The following CSMD1 variants were observed in gnomAD, a reference collection of about 807,000 sequenced individuals.
CSMD1 encodes CUB and Sushi multiple domains 1.
A neutral mutation model predicts 417.5 loss-of-function variants in CSMD1; 213 were observed. The ratio of observed to expected loss-of-function variants is 0.51; its 90% CI spans 0.46 to 0.57. CSMD1 has a LOEUF of 0.57. CSMD1 is among the 20% of genes least tolerant of loss of function. The probability of loss-of-function intolerance (pLI) is 0.00; values close to 1 mark genes in which losing one functional copy is unlikely to be tolerated. For synonymous variants in CSMD1, 2,862 were observed against 1,736.8 expected (o/e 1.65, Z -16.11); for missense variants, 6,923 against 4,529.7 (o/e 1.53, Z -15.17).
In CSMD1 at chr8:4,838,278, C is replaced by G. The variant is rs192263368; in HGVS notation, c.85+156054G>C. Among the ~76,000 whole-genome samples the G allele has an allele frequency of 1.4e-3, 218 of 152,272 alleles. 1 individual carries two copies. Among genetic ancestry groups the G allele is most frequent in the African/African-American group, 4.9e-3 (205 of 41,554 alleles). On this transcript the variant is annotated intron_variant, in intron 1 of 69. Coordinates refer to ENST00000635120, the MANE Select transcript of CSMD1 (RefSeq NM_033225.6). ...GACTGAGCAAGTAGTGTCAAAGTGT[C>G]AGGAGACGTCAGTCACTGTGCTAAC... is the stretch of plus-strand genomic sequence containing the variant.
At chr8:3,040,525 C>A (rs1333192895) in intron 50 of CSMD1, among the ~76,000 whole-genome samples, 1 of 151,208 alleles carries the variant, frequency 6.6e-6, no homozygotes, top group Admixed American at 6.6e-5. Flanking sequence ...ACAAATTGGG[C>A]CGGGCACGGT....
At chr8:3,791,417 C>A (rs1585003930) in intron 5 of CSMD1, among the ~76,000 whole-genome samples, 1 of 152,122 alleles carries the variant, frequency 6.6e-6, no homozygotes, top group South Asian at 2.1e-4. Flanking sequence ...CTTAAAATTC[C>A]TCTGTATTTC....
Position 3,479,228 on chromosome 8 carries a change from G to A in CSMD1, c.1449-10404C>T, listed in dbSNP as rs905090042. The stretch of plus-strand genomic sequence containing the variant: ...CCAAGCCTAAACAAGGTACTTGCTT[G>A]CTAAAATATTAGGTGGGTACAAAAG... On this transcript the variant is annotated intron_variant, in intron 11 of 69. Transcript: ENST00000635120. Among the ~76,000 whole-genome samples the A allele has an allele frequency of 7.9e-5, 12 of 152,288 alleles. No homozygotes were observed. The East Asian group carries it at 1.7e-3, about 22-fold the overall frequency.
intron 7 of CSMD1, among the ~76,000 whole-genome samples, chr8:3,641,115 A>C (rs950313674): frequency 6.7e-6 from 1 of 148,896 alleles, no homozygotes; most frequent in Non-Finnish European, 1.5e-5. Context: ...GTTAGACTGA[A>C]GTTATTGCAG....
chr8:2,991,800 C>A (rs1315673201), intron 54 of CSMD1, among the ~76,000 whole-genome samples: 1 of 152,124 alleles, frequency 6.6e-6, no homozygotes, highest in African/African-American at 2.4e-5. Flanking sequence ...CTGAGAACTG[C>A]AGTAGTCATG....
chr8:3,382,425 ATAT>A (rs1373216427), intron 18 of CSMD1, among the ~76,000 whole-genome samples: 1 of 143,746 alleles, frequency 7.0e-6, no homozygotes, highest in African/African-American at 2.5e-5. Context: ...AACACATAAT[ATAT>A]TATATAATAA....
chr8:3,974,383 G>A (rs1043352844), intron 5 of CSMD1, among the ~76,000 whole-genome samples: 1 of 151,894 alleles, frequency 6.6e-6, no homozygotes, highest in South Asian at 2.1e-4. Flanking sequence ...TTAAAAGAAG[G>A]AGGAAATTAA....
intron 3 of CSMD1, among the ~76,000 whole-genome samples, chr8:4,180,061 A>G (rs1798267809): frequency 6.6e-6 from 1 of 152,170 alleles, no homozygotes; most frequent in Admixed American, 6.5e-5. Context: ...CATTTGACCC[A>G]GCCATCCCAT....
At chr8:3,194,444 TATTTTATTTTATTTTATTTC>T (rs961989302) in intron 33 of CSMD1, among the ~76,000 whole-genome samples, 13 of 141,204 alleles carry the variant, frequency 9.2e-5, no homozygotes, top group Admixed American at 2.7e-4. Flanking sequence ...TATTTTATTT[TATTTTATTTTATTTTATTTC>T]ATTTCATTTT....
At chr8:4,758,366 T>C (rs771635138) in intron 1 of CSMD1, among the ~76,000 whole-genome samples, 2 of 152,158 alleles carry the variant, frequency 1.3e-5, no homozygotes, top group African/African-American at 2.4e-5. Context: ...GTATTATGCA[T>C]TTTCAAGTTG....
intron 1 of CSMD1, among the ~76,000 whole-genome samples, chr8:4,823,778 G>T (rs1017969044): frequency 6.6e-6 from 1 of 152,006 alleles, no homozygotes; most frequent in Admixed American, 6.6e-5. Context: ...GGCAGTGTGT[G>T]CACAAGTGTC....
chr8:4,310,086 T>A (rs4875322), intron 3 of CSMD1, among the ~76,000 whole-genome samples: 1 of 152,068 alleles, frequency 6.6e-6, no homozygotes, highest in Non-Finnish European at 1.5e-5. Context: ...GGTCTGCAAT[T>A]ATCACCTCTC....
intron 1 of CSMD1, among the ~76,000 whole-genome samples, chr8:4,840,473 G>A (rs1011990083): frequency 2.0e-5 from 3 of 152,248 alleles, no homozygotes; most frequent in African/African-American, 2.4e-5. Flanking sequence ...TAACACGTTA[G>A]GTCTTTTGTT....
intron 3 of CSMD1, among the ~76,000 whole-genome samples, chr8:4,330,306 T>C (rs1799797042): frequency 6.6e-6 from 1 of 151,532 alleles, no homozygotes; most frequent in Admixed American, 6.6e-5. Context: ...GTCAATTTAA[T>C]ATTTTGGGCT....
chr8:4,658,814 A>G (rs1804398497), intron 1 of CSMD1, among the ~76,000 whole-genome samples: 1 of 152,180 alleles, frequency 6.6e-6, no homozygotes, highest in Admixed American at 6.5e-5. Flanking sequence ...TAATGGTAAC[A>G]CAATTTATGA....
At chr8:3,848,809 T>G (rs144702394) in intron 5 of CSMD1, among the ~76,000 whole-genome samples, 226 of 152,134 alleles carry the variant, frequency 1.5e-3, no homozygotes, top group African/African-American at 5.2e-3. Context: ...TAGCAGCGAT[T>G]TTAAAGAAAA....
intron 49 of CSMD1, among the ~76,000 whole-genome samples, chr8:3,054,286 C>G (rs1812066578): frequency 6.6e-6 from 1 of 152,178 alleles, no homozygotes; most frequent in African/African-American, 2.4e-5. Context: ...TCTAAAATGT[C>G]TCATGTTTAA....
intron 3 of CSMD1, among the ~76,000 whole-genome samples, chr8:4,332,050 T>A (rs540435551): frequency 2.9e-4 from 44 of 152,270 alleles, no homozygotes; most frequent in African/African-American, 1.0e-3. Context: ...GTTTTTATTT[T>A]TTATCTTATC....
At chr8:3,564,735 A>T (rs1006701634) in intron 10 of CSMD1, among the ~76,000 whole-genome samples, 1 of 142,076 alleles carries the variant, frequency 7.0e-6, no homozygotes, top group African/African-American at 2.7e-5. Flanking sequence ...AAAACCAACC[A>T]ACCAAACACA....
Sources: allele counts gnomAD v4.1 joint callset (sites outside exome capture counted in the v4.1 genomes callset), GRCh38; gene constraint gnomAD v4.1.1; transcripts MANE v1.5; gene names NCBI Gene and HGNC (gene_info 2026-07-23, HGNC 2026-07-21).